MMUT: variants seen among roughly 807,000 people sequenced by gnomAD.
The protein encoded by MMUT is methylmalonyl-CoA mutase, mitochondrial.
A neutral mutation model predicts 79.9 loss-of-function variants in MMUT; 79 were observed. The observed-to-expected ratio is 0.99, with a 90% CI of 0.82 to 1.19. The LOEUF (loss-of-function observed/expected upper bound fraction) is 1.19, where lower values mean the gene tolerates loss of function less well. MMUT is among the 50% of genes most tolerant of loss of function. The pLI is 0.00. For missense variants in MMUT, 860 were observed against 917.2 expected (o/e 0.94, Z 0.81); for synonymous variants, 273 against 295.7 (o/e 0.92, Z 0.79).
At chr6:49,447,289 T>C (rs1175120097) in intron 8 of MMUT, among the ~76,000 whole-genome samples, 3 of 151,936 alleles carry the variant, frequency 2.0e-5, no homozygotes, top group African/African-American at 7.2e-5. Flanking sequence ...GTTCAAATAA[T>C]AACTCTAAAC....
chr6:49,446,171 G>A (rs1414491565), intron 8 of MMUT, among the ~76,000 whole-genome samples: 3 of 151,714 alleles, frequency 2.0e-5, no homozygotes, highest in Non-Finnish European at 2.9e-5. Flanking sequence ...TAGGGCTGAC[G>A]GTTACAGAAA....
At position 49,462,206 on chromosome 6, in the gene MMUT, G is replaced by C. The variant is rs192405093; in HGVS notation, c.-40+897C>G. The stretch of plus-strand genomic sequence containing the variant: ...CCTCAAGCATTCAAAGAAGCAACAT[G>C]CAAAGCAAATATGTTACTGACAACT... On this transcript the variant is annotated intron_variant, in intron 1 of 12. Coordinates refer to ENST00000274813, the MANE Select transcript of MMUT (RefSeq NM_000255.4). 2.0e-3 allele frequency among the ~76,000 whole-genome samples: 306 copies of C among 152,272 alleles called. 3 individuals are homozygous for C. The highest frequency in any genetic ancestry group is 6.3e-4 in the Non-Finnish European group (43 of 68,022).
chr6:49,452,974 TGA>T (rs145006277), intron 5 of MMUT, among the ~76,000 whole-genome samples: 2,872 of 151,894 alleles, frequency 0.019, 98 homozygotes, highest in African/African-American at 0.065. Flanking sequence ...TACAATTATA[TGA>T]GAGTACTAAC....
At chr6:49,454,800 C>T (rs747468145) in intron 4 of MMUT, among the ~76,000 whole-genome samples, 27 of 152,156 alleles carry the variant, frequency 1.8e-4, no homozygotes, top group Non-Finnish European at 3.2e-4. Flanking sequence ...AATCTCAGCA[C>T]TTTAGGAGGC....
Position 49,448,924 on chromosome 6 carries a change from T to G in MMUT, c.1336A>C (p.Ile446Leu). 6.2e-7 allele frequency: 1 copy of G among 1,604,446 alleles called. No homozygotes were observed. The highest frequency in any genetic ancestry group is 8.5e-7 in the Non-Finnish European group (1 of 1,171,478). ...NDVYDAALKL[I>L]NEIEEMGGMA... is the part of the protein sequence containing the mutation. ...CCACCCATTTCTTCAATTTCATTAA[T>G]GAGCTAAAAAGAAAAACATTAACAA... Residue 446 changes from isoleucine to leucine, a missense_variant, in exon 7 of 13, where the codon ATT (isoleucine) becomes CTT (leucine). Coordinates refer to ENST00000274813, the MANE Select transcript of MMUT (RefSeq NM_000255.4).
chr6:49,447,581 T>A (rs1049308133), intron 8 of MMUT, 89 bp downstream of exon 8: 3 of 748,612 alleles, frequency 4.0e-6, no homozygotes, highest in Admixed American at 2.2e-5. Flanking sequence ...GTTGTAAGGA[T>A]TAATTTAAGC....
rs766529896 is a variant in MMUT at position 49,440,333 on chromosome 6, C to T, written c.1829G>A (p.Arg610His). 23 of 1,613,766 alleles carry T rather than the reference C, an allele frequency of 1.4e-5. No homozygotes were observed. In the East Asian group the frequency reaches 2.0e-4, roughly 14 times the overall value. The change falls in exon 11 of 13, where the codon CGT (arginine) becomes CAT (histidine). Residue 610 changes from arginine (R) to histidine (H), a missense_variant. Coordinates refer to ENST00000274813, the MANE Select transcript of MMUT (RefSeq NM_000255.4). ...AAGAAGACGAGGTCTGCGACCTTCA[C>T]GTTCCATGAATTTATGAACCCTGAA... is the stretch of plus-strand genomic sequence containing the variant. ...AIKRVHKFME[R>H]EGRRPRLLVA...
Position 49,447,726 on chromosome 6 carries a change from C to T in MMUT, c.1504G>A (p.Val502Ile), listed in dbSNP as rs774407830. ...YQLEKEDAVE[V>I]LAIDNTSVRN... The stretch of plus-strand genomic sequence containing the variant: ...ACTGAAGTATTATCAATTGCCAGAA[C>T]TTCTACAGCGTCTTCTTTTTCCAAC... The change falls in exon 8 of 13, where the codon GTT becomes ATT. Residue 502 changes from valine (V) to isoleucine (I), a missense_variant. Val to Ile is a conservative substitution (Grantham distance 29). Coordinates refer to ENST00000274813, the MANE Select transcript of MMUT (RefSeq NM_000255.4). The T allele has an allele frequency of 6.2e-7, 1 of 1,610,880 alleles. No individual in the cohort carries two copies. Among genetic ancestry groups the T allele is most frequent in the Non-Finnish European group, 8.5e-7 (1 of 1,178,042 alleles).
chr6:49,439,634 A>G (rs183587811), intron 11 of MMUT, among the ~76,000 whole-genome samples: 5 of 152,256 alleles, frequency 3.3e-5, no homozygotes, highest in African/African-American at 1.2e-4. Context: ...AAATCCAAAT[A>G]GGCCCACTAG....
chr6:49,441,236 G>A (rs1319996453), intron 10 of MMUT, among the ~76,000 whole-genome samples: 1 of 152,064 alleles, frequency 6.6e-6, no homozygotes, highest in Non-Finnish European at 1.5e-5. Flanking sequence ...TCCAAGTCAT[G>A]CTGTGGAAAT....
At chr6:49,445,217 T>C (rs1207240403) in intron 8 of MMUT, among the ~76,000 whole-genome samples, 1 of 152,166 alleles carries the variant, frequency 6.6e-6, no homozygotes, top group Non-Finnish European at 1.5e-5. Flanking sequence ...ATAATATGCA[T>C]ATTGCTATAC....
In MMUT at chr6:49,452,904, A is replaced by G. The variant is rs535583941; in HGVS notation, c.1083+681T>C. 4.6e-5 allele frequency among the ~76,000 whole-genome samples: 7 copies of G among 152,230 alleles called. No homozygotes were observed. In the East Asian group the frequency reaches 1.3e-3, roughly 29 times the overall value. ...TAAATACATAACTTTAACACATAAA[A>G]TATGTATGTATATATAATTAATTTT... On this transcript the variant is annotated intron_variant, in intron 5 of 12. Coordinates refer to ENST00000274813, the MANE Select transcript of MMUT (RefSeq NM_000255.4).
chr6:49,438,448 C>A (rs1767189581), intron 11 of MMUT, among the ~76,000 whole-genome samples: 1 of 152,114 alleles, frequency 6.6e-6, no homozygotes, highest in South Asian at 2.1e-4. Context: ...GGCTATCTTT[C>A]CCACAAAATA....
intron 7 of MMUT, among the ~76,000 whole-genome samples, chr6:49,448,020 T>C (rs186216722): frequency 1.3e-5 from 2 of 152,114 alleles, no homozygotes; most frequent in Admixed American, 6.5e-5. Flanking sequence ...AAACTATTAA[T>C]ATACACTTTC....
rs565348836 is a variant in MMUT at position 49,458,022 on chromosome 6, G to A, written c.422C>T (p.Ala141Val). The change falls in exon 3 of 13, where the codon GCG becomes GTG. Residue 141 changes from alanine (A) to valine (V), a missense_variant. Coordinates refer to ENST00000274813, the MANE Select transcript of MMUT (RefSeq NM_000255.4). ...QQGLSVAFDL[A>V]THRGYDSDNP... The stretch of plus-strand genomic sequence containing the variant: ...GTCTGAATCATAGCCACGATGTGTC[G>A]CCAGATCAAAGGCAACTGATAATCC... 23 of 1,602,362 alleles carry A rather than the reference G, an allele frequency of 1.4e-5. No individual in the cohort carries two copies. The highest frequency in any genetic ancestry group is 1.7e-5 in the Admixed American group (1 of 59,960).
At chr6:49,456,992 C>T (rs1189510179) in intron 3 of MMUT, among the ~76,000 whole-genome samples, 1 of 152,116 alleles carries the variant, frequency 6.6e-6, no homozygotes, top group African/African-American at 2.4e-5. Flanking sequence ...ACATAAAATG[C>T]TTGCTACACA....
intron 8 of MMUT, 94 bp from the exon 9 acceptor site, chr6:49,444,848 T>C: frequency 1.1e-6 from 1 of 892,718 alleles, no homozygotes. Flanking sequence ...ATATGGCATT[T>C]TTTTCCATAA....
chr6:49,458,390 G>A (rs1012964302), intron 2 of MMUT, among the ~76,000 whole-genome samples: 1 of 152,024 alleles, frequency 6.6e-6, no homozygotes, highest in Non-Finnish European at 1.5e-5. Flanking sequence ...GAAAAGATCT[G>A]GCTGTTCATA....
chr6:49,456,931 A>G (rs1767704390), intron 3 of MMUT, among the ~76,000 whole-genome samples: 1 of 152,198 alleles, frequency 6.6e-6, no homozygotes, highest in Admixed American at 6.5e-5. Flanking sequence ...AGAGTACATC[A>G]CACATATCCT....
Sources: gnomAD v4.1 joint callset for allele counts (sites outside exome capture counted in the v4.1 genomes callset) on GRCh38, gnomAD v4.1.1 for gene constraint, MANE v1.5 for transcripts, NCBI Gene and HGNC (gene_info 2026-07-23, HGNC 2026-07-21) for gene names.